The following CHLSN variants were observed in gnomAD, a reference collection of about 807,000 sequenced individuals.
CHLSN encodes protein cholesin.
chr7:983,179 G>A, the CHLSN span: 1 of 1,452,838 alleles, frequency 6.9e-7, no homozygotes, highest in Non-Finnish European at 9.1e-7. Flanking sequence ...ACGGGGCCCA[G>A]GAGGGGAGTG....
chr7:994,686 C>A, the CHLSN span, among the ~76,000 whole-genome samples: 1 of 152,148 alleles, frequency 6.6e-6, no homozygotes, highest in African/African-American at 2.4e-5. Flanking sequence ...GCGATCCTCC[C>A]GCCTCTGCCT....
chr7:1,069,608 C>G, the CHLSN span, among the ~76,000 whole-genome samples: 1 of 121,008 alleles, frequency 8.3e-6, no homozygotes, highest in African/African-American at 3.8e-5. Context: ...ACCTTGGCCT[C>G]CCGAGGTGCC....
the CHLSN span, among the ~76,000 whole-genome samples, chr7:1,072,201 G>T: frequency 1.3e-5 from 2 of 152,184 alleles, no homozygotes; most frequent in African/African-American, 4.8e-5. Context: ...AAGCATCCTG[G>T]CTGCCCACGG....
At chr7:1,134,981 A>C in the CHLSN span, among the ~76,000 whole-genome samples, 1 of 152,170 alleles carries the variant, frequency 6.6e-6, no homozygotes, top group African/African-American at 2.4e-5. Flanking sequence ...ACACCCTACC[A>C]CAATGACACC....
At chr7:996,322 C>G in the CHLSN span, among the ~76,000 whole-genome samples, 1 of 152,354 alleles carries the variant, frequency 6.6e-6, no homozygotes, top group South Asian at 2.1e-4. Flanking sequence ...CCAAGGCAGG[C>G]AGCCTGACCT....
chr7:997,494 G>A, the CHLSN span: 174 of 740,196 alleles, frequency 2.4e-4, 1 homozygote, highest in Non-Finnish European at 3.1e-4. Flanking sequence ...CCCCACCACC[G>A]GAGGAGCTGA....
chr7:1,013,038 C>T, the CHLSN span, among the ~76,000 whole-genome samples: 6 of 152,108 alleles, frequency 3.9e-5, no homozygotes, highest in Non-Finnish European at 8.8e-5. Flanking sequence ...CGCGGCAGGT[C>T]GTGGGGAATG....
At chr7:979,459 C>T in the CHLSN span, among the ~76,000 whole-genome samples, 59 of 152,032 alleles carry the variant, frequency 3.9e-4, no homozygotes, top group African/African-American at 1.4e-3. Context: ...TTTTAAAAAA[C>T]GCAGTGATTT....
the CHLSN span, among the ~76,000 whole-genome samples, chr7:1,040,905 C>A: frequency 6.6e-6 from 1 of 152,242 alleles, no homozygotes; most frequent in Non-Finnish European, 1.5e-5. Flanking sequence ...CAAAGGCAGA[C>A]GTGCCGGCTG....
At chr7:1,070,313 T>C in the CHLSN span, among the ~76,000 whole-genome samples, 1 of 130,304 alleles carries the variant, frequency 7.7e-6, no homozygotes, top group Non-Finnish European at 1.7e-5. Flanking sequence ...AGGTGGGGGG[T>C]CAGCCCCCCG....
At chr7:1,102,278 G>A in the CHLSN span, among the ~76,000 whole-genome samples, 1 of 152,274 alleles carries the variant, frequency 6.6e-6, no homozygotes, top group Non-Finnish European at 1.5e-5. Context: ...GAAGCGAGGA[G>A]CTGGGCCCAG....
the CHLSN span, among the ~76,000 whole-genome samples, chr7:1,011,335 C>T: frequency 6.8e-6 from 1 of 146,576 alleles, no homozygotes; most frequent in East Asian, 2.0e-4. Flanking sequence ...CACACACCCA[C>T]ATACAACCAC....
chr7:1,007,730 C>T, the CHLSN span, among the ~76,000 whole-genome samples: 8 of 152,296 alleles, frequency 5.3e-5, no homozygotes, highest in Non-Finnish European at 1.2e-4. Context: ...CACAGTGCCT[C>T]CGCACAGGAC....
the CHLSN span, among the ~76,000 whole-genome samples, chr7:1,010,836 C>T: frequency 6.6e-6 from 1 of 152,182 alleles, no homozygotes; most frequent in Non-Finnish European, 1.5e-5. Context: ...TGACCCCAGC[C>T]GCTGTCCACA....
chr7:1,010,141 G>A, the CHLSN span: 16 of 1,608,234 alleles, frequency 9.9e-6, no homozygotes, highest in South Asian at 3.3e-5. Context: ...GCACAGCTTC[G>A]CCCTGAAAGT....
At chr7:1,113,872 G>A in the CHLSN span, among the ~76,000 whole-genome samples, 4 of 152,224 alleles carry the variant, frequency 2.6e-5, no homozygotes, top group Non-Finnish European at 2.9e-5. Context: ...CGGCCTGGAC[G>A]GCAGGAGGCC....
the CHLSN span, chr7:1,091,485 G>A: frequency 2.2e-5 from 11 of 490,302 alleles, no homozygotes; most frequent in Admixed American, 7.6e-5. Context: ...GGACGAGCAC[G>A]CGGAGGGCCC....
At chr7:1,036,430 CCGTGTAGGGTTCGGGTGCTCGTGG>C in the CHLSN span, among the ~76,000 whole-genome samples, 8 of 148,032 alleles carry the variant, frequency 5.4e-5, no homozygotes, top group Non-Finnish European at 1.0e-4. Flanking sequence ...CGTGGTGTGG[CCGTGTAGGGTTCGGGTGCTCGTGG>C]TGTGGCCGTG....
the CHLSN span, among the ~76,000 whole-genome samples, chr7:1,003,370 TG>T: frequency 1.7e-5 from 1 of 59,572 alleles, no homozygotes. Flanking sequence ...TGGGGAGTCC[TG>T]TGGGTGAGTG....
Sources: gnomAD v4.1 joint callset for allele counts (sites outside exome capture counted in the v4.1 genomes callset) on GRCh38, gnomAD v4.1.1 for gene constraint, MANE v1.5 for transcripts, NCBI Gene and HGNC (gene_info 2026-07-23, HGNC 2026-07-21) for gene names.